Variants in CR1 observed in about 807,000 individuals in gnomAD.
The protein encoded by CR1 is complement receptor type 1.
Under a neutral mutation model 187.3 loss-of-function variants are expected in CR1, and 116 were observed. The ratio of observed to expected loss-of-function variants is 0.62; its 90% CI spans 0.53 to 0.72. The LOEUF (loss-of-function observed/expected upper bound fraction) is 0.72. CR1 is among the 30% of genes least tolerant of loss of function. CR1 has a pLI of 0.00. For synonymous variants in CR1, 576 were observed against 747.1 expected, an observed-to-expected ratio of 0.77 and a Z score of 3.73; for missense variants, 1,731 against 2,110.7, an observed-to-expected ratio of 0.82 and a Z score of 3.52.
Position 207,496,374 on chromosome 1 carries a change from T to G in CR1, c.107T>G (p.Leu36Arg). The stretch of plus-strand genomic sequence containing the variant: ...CTGGCGGTTGTGGTGCTGCTTGCGC[T>G]GCCGGTGGCCTGGGGTGAGAGGCGG... Reference protein sequence around the residue: ...SLLAVVVLLALPVAWGQCNAP... With the variant: ...SLLAVVVLLARPVAWGQCNAP... The change falls in exon 1 of 47, where the codon CTG (leucine) becomes CGG (arginine). Residue 36 changes from leucine (L) to arginine (R), a missense_variant. Around this residue, in one of 5 missense-constraint regions of CR1, gnomAD observed 237 missense variants for 240.4 expected, o/e 0.99. Transcript: ENST00000367049. 6.2e-7 allele frequency: 1 copy of G among 1,610,966 alleles called. No individual in the cohort carries two copies. Among genetic ancestry groups the G allele is most frequent in the Non-Finnish European group, 8.5e-7 (1 of 1,179,036 alleles).
intron 4 of CR1, among the ~76,000 whole-genome samples, chr1:207,520,201 T>C (rs1225104752): frequency 6.6e-6 from 1 of 152,216 alleles, no homozygotes; most frequent in Non-Finnish European, 1.5e-5. Context: ...TCTAGTTCTG[T>C]ACCTCCTCCC....
rs1195163572 is a variant in CR1, at chr1:207,617,501, A to ATGTGTG, written c.6890-569_6890-568insGTGTGT. On this transcript the variant is annotated intron_variant, in intron 41 of 46. Coordinates refer to ENST00000367049, the MANE Select transcript of CR1 (RefSeq NM_000651.6). ...ACTTAAAGTATATATATATATATATATATATATGTGTGTGTGTGTGTGTGT... is the reference window on the plus strand; with the variant it reads ...ACTTAAAGTATATATATATATATATATGTGTGTATATATGTGTGTGTGTGTGTGTGT... 3.5e-5 allele frequency among the ~76,000 whole-genome samples: 2 copies of ATGTGTG among 56,420 alleles called. 1 individual carries two copies. Among genetic ancestry groups the ATGTGTG allele is most frequent in the African/African-American group, 1.3e-4 (2 of 15,268 alleles). 37.0% of individuals were successfully genotyped at this position (56,420 alleles called of 152,430 possible). A position where few individuals can be genotyped will look rare whatever the true frequency, so the allele number is the denominator to read the frequency against.
At chr1:207,632,881 A>G (rs1055532375) in intron 46 of CR1, among the ~76,000 whole-genome samples, 9 of 151,994 alleles carry the variant, frequency 5.9e-5, no homozygotes, top group Non-Finnish European at 1.2e-4. Flanking sequence ...CTATGTCTCC[A>G]AAGTTCTTGC....
rs1662987577 is a variant in CR1, at chr1:207,641,600, G to A, written c.*2191G>A. The A allele has an allele frequency of 1.3e-5, 2 of 152,268 alleles. No homozygotes were observed. Among genetic ancestry groups the A allele is most frequent in the African/African-American group, 2.4e-5 (1 of 41,538 alleles). The allele number at this position is 152,268 out of a possible 1,614,324, so 9.4% of individuals were successfully genotyped here. Reference sequence around the variant, plus strand: ...ATTTTCATCTGAAAAGCAGGGGCTGGACACCAATTGCCCTATGAAGCTATT... The same window carrying A: ...ATTTTCATCTGAAAAGCAGGGGCTGAACACCAATTGCCCTATGAAGCTATT... On this transcript the variant is annotated 3_prime_UTR_variant, in exon 47 of 47. Coordinates refer to ENST00000367049, the MANE Select transcript of CR1 (RefSeq NM_000651.6).
intron 42 of CR1, among the ~76,000 whole-genome samples, chr1:207,619,376 CAAAAAA>C (rs67078800): frequency 2.2e-5 from 2 of 92,656 alleles, no homozygotes; most frequent in Non-Finnish European, 4.4e-5. Context: ...CAGTGAGACT[CAAAAAA>C]AAAAAAAAAA....
At chr1:207,616,831 T>C (rs1240384930) in intron 41 of CR1, 29 bp downstream of exon 41, 5 of 1,610,344 alleles carry the variant, frequency 3.1e-6, no homozygotes, top group Non-Finnish European at 4.2e-6. Flanking sequence ...ATATCCTAAA[T>C]GGGTTCAGAA....
At chr1:207,622,593 A>T (rs1472423770) in intron 44 of CR1, among the ~76,000 whole-genome samples, 1 of 152,228 alleles carries the variant, frequency 6.6e-6, no homozygotes, top group Non-Finnish European at 1.5e-5. Context: ...GCACTTTAAC[A>T]ATCAATAAAT....
chr1:207,513,973 T>C (rs1055295914), intron 4 of CR1, among the ~76,000 whole-genome samples: 8 of 152,194 alleles, frequency 5.3e-5, no homozygotes, highest in Admixed American at 1.3e-4. Flanking sequence ...TTTTGGTAGA[T>C]AACCATTTTT....
intron 35 of CR1, among the ~76,000 whole-genome samples, chr1:207,594,814 AC>A (rs1417974834): frequency 6.6e-6 from 1 of 151,942 alleles, no homozygotes; most frequent in Admixed American, 6.6e-5. Flanking sequence ...ACCTTTTCTC[AC>A]CTCCCATTGT....
intron 36 of CR1, among the ~76,000 whole-genome samples, chr1:207,607,573 C>T (rs1164394723): frequency 3.3e-5 from 5 of 152,146 alleles, no homozygotes; most frequent in East Asian, 1.9e-4. Context: ...GTAAATATTT[C>T]CAGTATAGAG....
intron 1 of CR1, among the ~76,000 whole-genome samples, chr1:207,501,250 G>C (rs959635757): frequency 1.9e-4 from 29 of 152,198 alleles, no homozygotes; most frequent in African/African-American, 6.5e-4. Flanking sequence ...TGTTTGGATG[G>C]ATTACAGAAG....
chr1:207,622,997 T>G lies in CR1; in HGVS notation c.7281T>G (p.Thr2427=). 6.4e-7 allele frequency: 1 copy of G among 1,570,962 alleles called. No individual in the cohort carries two copies. The highest frequency in any genetic ancestry group is 1.9e-5 in the Admixed American group (1 of 53,490). The part of the protein sequence containing the change: ...SRTHDALIVG[T]LSGTIFFILL... ...TTACCTTGTTTTACTGCCTAGGCAC[T>G]TTATCTGGTACGATCTTCTTTATTT... Residue 2427 remains threonine (T), a synonymous_variant, in exon 45 of 47, where the codon ACT becomes ACG. Transcript: ENST00000367049.
At chr1:207,617,602 TATATATATATAGAGAGAG>T (rs1318252299) in intron 41 of CR1, among the ~76,000 whole-genome samples, 100 of 30,126 alleles carry the variant, frequency 3.3e-3, no homozygotes, top group East Asian at 0.015. Flanking sequence ...TATATATATA[TATATATATATAGAGAGAG>T]AGAGAGAGAG....
In CR1 at chr1:207,616,649, G is replaced by T. The variant is rs1028304802; in HGVS notation, c.6736G>T (p.Gly2246Ter). 4 of 1,613,644 alleles carry T rather than the reference G, an allele frequency of 2.5e-6. No individual in the cohort carries two copies. Among genetic ancestry groups the T allele is most frequent in the Non-Finnish European group, 3.4e-6 (4 of 1,179,754 alleles). The change falls in exon 41 of 47, where the codon GGA (glycine) becomes TGA (stop). Residue 2246 changes from glycine to a stop codon, truncating the protein, a stop_gained. Transcript: ENST00000367049. LOFTEE classifies it high-confidence loss of function. ...AACTCCCTTTGGAGATATTCCCTATGGAAAAGAAATATCTTACGCATGCGA... is the reference window on the plus strand; with the variant it reads ...AACTCCCTTTGGAGATATTCCCTATTGAAAAGAAATATCTTACGCATGCGA... The part of the protein sequence containing the change: ...TGTPFGDIPY[G>*]KEISYACDTH...
chr1:207,497,653 A>G (rs1235687184), intron 1 of CR1, among the ~76,000 whole-genome samples: 4 of 152,230 alleles, frequency 2.6e-5, no homozygotes. Flanking sequence ...AAGCATGCCC[A>G]GTAAGTTAAG....
Position 207,607,256 on chromosome 1 carries a change from G to C in CR1, c.5816G>C (p.Arg1939Pro). The change falls in exon 36 of 47, where the codon CGA becomes CCA. Residue 1939 changes from arginine to proline, a missense_variant. Coordinates refer to ENST00000367049, the MANE Select transcript of CR1 (RefSeq NM_000651.6). ...TTTTCTATCCTTTGCTTTAGGTTTC[G>C]ACTCATTGGTTCCCCATCTACTACT... ...TVNYSCNEGF[R>P]LIGSPSTTCL... 3.1e-6 allele frequency: 5 copies of C among 1,612,686 alleles called. No homozygotes were observed. Among genetic ancestry groups the C allele is most frequent in the Non-Finnish European group, 4.2e-6 (5 of 1,178,794 alleles).
At chr1:207,597,737 G>A in intron 35 of CR1, among the ~76,000 whole-genome samples, 1 of 152,164 alleles carries the variant, frequency 6.6e-6, no homozygotes, top group East Asian at 1.9e-4. Flanking sequence ...CAGCAATTCT[G>A]CTCCTAGGCA....
At chr1:207,572,947 T>G (rs1225115731) in intron 27 of CR1, among the ~76,000 whole-genome samples, 1 of 151,954 alleles carries the variant, frequency 6.6e-6, no homozygotes, top group Non-Finnish European at 1.5e-5. Flanking sequence ...AAGTTTTCCC[T>G]TTTAATAAGG....
intron 32 of CR1, among the ~76,000 whole-genome samples, chr1:207,584,364 T>G (rs534765665): frequency 2.0e-5 from 3 of 152,320 alleles, no homozygotes; most frequent in Admixed American, 2.0e-4. Flanking sequence ...AGATTTTTAT[T>G]TACTTTAAAG....
Sources: allele counts gnomAD v4.1 joint callset (sites outside exome capture counted in the v4.1 genomes callset), GRCh38; gene constraint gnomAD v4.1.1; regional missense constraint gnomAD v4.1.1; transcripts MANE v1.5; gene names NCBI Gene and HGNC (gene_info 2026-07-23, HGNC 2026-07-21).